DSCAML1: variants seen among roughly 807,000 people sequenced by gnomAD.
DSCAML1 encodes the protein cell adhesion molecule DSCAML1.
DSCAML1 carries 38 observed loss-of-function variants against 200.5 expected under a neutral mutation model. The observed-to-expected ratio is 0.19, with a 90% confidence interval of 0.15 to 0.25. DSCAML1 has a LOEUF of 0.25. Ranked by LOEUF, DSCAML1 falls within the 10% of genes least tolerant of loss-of-function variation. DSCAML1 has a pLI of 1.00. For synonymous variants in DSCAML1, 1,215 were observed against 1,165.0 expected, an observed-to-expected ratio of 1.04 and a Z score of -0.87; for missense variants, 2,223 against 2,858.8, an observed-to-expected ratio of 0.78 and a Z score of 5.07.
At chr11:117,679,604 T>C (rs1393167570) in intron 3 of DSCAML1, among the ~76,000 whole-genome samples, 1 of 151,966 alleles carries the variant, frequency 6.6e-6, no homozygotes, top group Non-Finnish European at 1.5e-5. Flanking sequence ...GGTTTCTAGC[T>C]CTCCTCCTGG....
chr11:117,636,846 C>T (rs905333085), intron 3 of DSCAML1, among the ~76,000 whole-genome samples: 2 of 152,152 alleles, frequency 1.3e-5, no homozygotes, highest in Non-Finnish European at 2.9e-5. Flanking sequence ...GAGCCTGGTA[C>T]AGTGCCTAAG....
intron 1 of DSCAML1, among the ~76,000 whole-genome samples, chr11:117,792,996 A>G (rs2055501165): frequency 6.6e-6 from 1 of 152,190 alleles, no homozygotes; most frequent in South Asian, 2.1e-4. Flanking sequence ...TAGGAGACAG[A>G]AGCATTACCA....
At position 117,649,373 on chromosome 11, in the gene DSCAML1, T is replaced by C. The variant is rs2052583306; in HGVS notation, c.512-116851A>G. Among the ~76,000 whole-genome samples the C allele has an allele frequency of 2.0e-5, 3 of 152,228 alleles. No individual in the cohort carries two copies. The South Asian group carries it at 6.2e-4, about 32-fold the overall frequency. ...CATAAGCCACCATGCCCCGCCAACT[T>C]ATCACTATTTTTGCAGGCCCAAAGA... On this transcript the variant is annotated intron_variant, in intron 3 of 32. Transcript: ENST00000651296.
At chr11:117,564,514 T>C (rs1444754871) in intron 3 of DSCAML1, among the ~76,000 whole-genome samples, 1 of 152,168 alleles carries the variant, frequency 6.6e-6, no homozygotes, top group Non-Finnish European at 1.5e-5. Context: ...TTGCTGCCCC[T>C]GAACATGCAA....
chr11:117,445,588 C>T (rs1261342066), intron 20 of DSCAML1, among the ~76,000 whole-genome samples: 1 of 152,200 alleles, frequency 6.6e-6, no homozygotes, highest in African/African-American at 2.4e-5. Context: ...GTGACTGAGG[C>T]ACAAGGAGGC....
At chr11:117,517,370 G>C (rs888693230) in intron 7 of DSCAML1, among the ~76,000 whole-genome samples, 5 of 152,098 alleles carry the variant, frequency 3.3e-5, no homozygotes, top group African/African-American at 1.2e-4. Context: ...GCAATCTAGG[G>C]GATGGAAAGG....
intron 3 of DSCAML1, among the ~76,000 whole-genome samples, chr11:117,536,119 G>A (rs1328368794): frequency 6.6e-6 from 1 of 152,012 alleles, no homozygotes; most frequent in Non-Finnish European, 1.5e-5. Context: ...GATGCACAGC[G>A]CGAGAGGGGA....
chr11:117,731,733 T>C (rs1161744407), intron 3 of DSCAML1, among the ~76,000 whole-genome samples: 1 of 152,198 alleles, frequency 6.6e-6, no homozygotes, highest in African/African-American at 2.4e-5. Flanking sequence ...AGCTTTTAAG[T>C]TCCTTTAGAG....
chr11:117,625,996 GC>G (rs2052035555), intron 3 of DSCAML1, among the ~76,000 whole-genome samples: 1 of 152,234 alleles, frequency 6.6e-6, no homozygotes, highest in Admixed American at 6.5e-5. Flanking sequence ...GGTGGAGGAG[GC>G]ATTTGTCTCC....
chr11:117,570,076 C>T (rs973960003), intron 3 of DSCAML1, among the ~76,000 whole-genome samples: 1 of 150,952 alleles, frequency 6.6e-6, no homozygotes, highest in Non-Finnish European at 1.5e-5. Context: ...GAAGCAGGAA[C>T]GTGTTGAGCA....
rs766933373 is a variant in DSCAML1 at position 117,439,359 on chromosome 11, G to A, written c.4051C>T (p.Arg1351Cys). Residue 1351 changes from arginine to cysteine, a missense_variant, in exon 23 of 33, where the codon CGT becomes TGT. Physicochemically the swap from Arg to Cys is radical, Grantham distance 180. Coordinates refer to ENST00000651296, the MANE Select transcript of DSCAML1 (RefSeq NM_020693.4). ...LIHTNGTLLL[R>C]AVKAEDSGYY... ...CCAGAGTCCTCAGCCTTCACTGCACGCAGCAGCAGTGTGCCATTGGTGTGG... is the reference window on the plus strand; with the variant it reads ...CCAGAGTCCTCAGCCTTCACTGCACACAGCAGCAGTGTGCCATTGGTGTGG... The A allele has an allele frequency of 9.3e-6, 15 of 1,613,794 alleles. No individual in the cohort carries two copies. Among genetic ancestry groups the A allele is most frequent in the African/African-American group, 4.0e-5 (3 of 74,894 alleles).
At chr11:117,564,812 T>C (rs996285163) in intron 3 of DSCAML1, among the ~76,000 whole-genome samples, 8 of 151,732 alleles carry the variant, frequency 5.3e-5, no homozygotes, top group Middle Eastern at 3.4e-3. Flanking sequence ...GTCACCCAGG[T>C]TGGAGTGCAG....
intron 3 of DSCAML1, among the ~76,000 whole-genome samples, chr11:117,569,859 A>G (rs2050817313): frequency 1.3e-5 from 2 of 152,176 alleles, no homozygotes; most frequent in South Asian, 4.1e-4. Flanking sequence ...CATACAGGCA[A>G]TCCCAGTGGA....
intron 3 of DSCAML1, among the ~76,000 whole-genome samples, chr11:117,590,576 A>G (rs2051240115): frequency 6.6e-6 from 1 of 152,192 alleles, no homozygotes; most frequent in Admixed American, 6.5e-5. Context: ...GGGGTCTGCA[A>G]TACATTCCTG....
Position 117,518,454 on chromosome 11 carries a change from G to A in DSCAML1, c.1510+12C>T. 6.2e-7 allele frequency: 1 copy of A among 1,614,090 alleles called. No homozygotes were observed. The highest frequency in any genetic ancestry group is 8.5e-7 in the Non-Finnish European group (1 of 1,180,010). ...CAAAAACCTATTCTGATATTTAAAT[G>A]TAGACAGGCACCTCTTACGTTTATT... On this transcript the variant is annotated intron_variant, in intron 7 of 32. Transcript: ENST00000651296. The surrounding 1 kb of genome is among the most constrained non-coding windows in gnomAD (Gnocchi z 6.3).
At chr11:117,562,165 C>G (rs527543333) in intron 3 of DSCAML1, among the ~76,000 whole-genome samples, 1 of 152,310 alleles carries the variant, frequency 6.6e-6, no homozygotes, top group African/African-American at 2.4e-5. Flanking sequence ...TGAGGGCCAG[C>G]TGCTAGGGGC....
intron 3 of DSCAML1, among the ~76,000 whole-genome samples, chr11:117,549,843 G>T (rs1188655862): frequency 6.6e-6 from 1 of 152,064 alleles, no homozygotes; most frequent in Non-Finnish European, 1.5e-5. Context: ...CAGGCTAATC[G>T]GCGTGACTGT....
chr11:117,730,551 T>C (rs1036195840), intron 3 of DSCAML1, among the ~76,000 whole-genome samples: 2 of 152,196 alleles, frequency 1.3e-5, no homozygotes, highest in Non-Finnish European at 2.9e-5. Flanking sequence ...GAAGGAAAGA[T>C]ACCAACAGGA....
At chr11:117,487,738 C>T (rs903930899) in intron 11 of DSCAML1, among the ~76,000 whole-genome samples, 3 of 152,136 alleles carry the variant, frequency 2.0e-5, no homozygotes, top group Non-Finnish European at 4.4e-5. Context: ...GATTTCAAAG[C>T]ATGCTGAGAA....
Sources: gnomAD v4.1 joint callset for allele counts (sites outside exome capture counted in the v4.1 genomes callset) on GRCh38, gnomAD v4.1.1 for gene constraint, Gnocchi (gnomAD v3.1) non-coding constraint, MANE v1.5 for transcripts, NCBI Gene and HGNC (gene_info 2026-07-23, HGNC 2026-07-21) for gene names.